Variants in DMD observed in about 807,000 individuals in gnomAD.
DMD encodes the protein dystrophin, also known as mutant dystrophin.
Under a neutral mutation model 330.1 loss-of-function variants are expected in DMD, and 63 were observed. The ratio of observed to expected loss-of-function variants is 0.19; its 90% CI spans 0.16 to 0.24. DMD has a LOEUF of 0.24. Ranked by LOEUF, DMD falls within the 10% of genes least tolerant of loss-of-function variation. The pLI is 1.00. For synonymous variants in DMD, 1,223 were observed against 959.8 expected (o/e 1.27, Z -5.07); for missense variants, 3,344 against 2,684.1 (o/e 1.25, Z -5.43).
chrX:32,400,102 G>A (rs2098075658), intron 30 of DMD, among the ~76,000 whole-genome samples: 1 of 111,562 alleles, frequency 9.0e-6, no homozygotes, highest in Non-Finnish European at 1.9e-5. Context: ...GTTTGTCATA[G>A]ATAGCTCTTA....
At chrX:32,579,195 A>G (rs1383086918) in intron 13 of DMD, among the ~76,000 whole-genome samples, 1 of 112,121 alleles carries the variant, frequency 8.9e-6, no homozygotes, top group African/African-American at 3.2e-5. Flanking sequence ...TGTACCTTAT[A>G]TCTTCACTGT....
intron 55 of DMD, among the ~76,000 whole-genome samples, chrX:31,622,846 TTATATATATATATATATATA>T (rs757102035): frequency 1.3e-5 from 1 of 74,204 alleles, no homozygotes; most frequent in East Asian, 4.8e-4. Flanking sequence ...CAGAAAAATT[TTATATATATATATATATATA>T]TATATATATA....
intron 2 of DMD, among the ~76,000 whole-genome samples, chrX:32,894,707 T>C (rs2085545556): frequency 8.9e-6 from 1 of 112,090 alleles, no homozygotes. Context: ...CACATTCAGG[T>C]GTGTCTGCAG....
At chrX:32,045,460 C>T (rs779810055) in intron 44 of DMD, among the ~76,000 whole-genome samples, 26 of 109,596 alleles carry the variant, frequency 2.4e-4, no homozygotes, top group Non-Finnish European at 4.0e-4. Flanking sequence ...GAGGCCTCCC[C>T]AGAAGCTGAG....
intron 15 of DMD, among the ~76,000 whole-genome samples, chrX:32,571,244 A>T (rs1397707130): frequency 8.9e-6 from 1 of 112,037 alleles, no homozygotes; most frequent in East Asian, 2.8e-4. Flanking sequence ...TACTGAAAGG[A>T]TTCACATTTT....
chrX:31,482,036 A>G (rs1393511046), intron 57 of DMD, among the ~76,000 whole-genome samples: 4 of 111,012 alleles, frequency 3.6e-5, no homozygotes, highest in Non-Finnish European at 7.5e-5. Context: ...CAGCCACTCA[A>G]GTAGGAAAAT....
chrX:31,204,662 G>A lies in DMD; in HGVS notation c.9650-544C>T, dbSNP rs1048266873. On this transcript the variant is annotated intron_variant, in intron 66 of 78. Coordinates refer to ENST00000357033, the MANE Select transcript of DMD (RefSeq NM_004006.3). ...TTTTGAGACGGAGTCTTGCTCTGTC[G>A]CCCAGGCTGCAGTGCAGTGGTGCGA... is the stretch of plus-strand genomic sequence containing the variant. 6.3e-5 allele frequency among the ~76,000 whole-genome samples: 7 copies of A among 111,759 alleles called. No individual in the cohort carries two copies. The South Asian group carries it at 1.1e-3, about 18-fold the overall frequency.
At chrX:33,039,067 G>T (rs753200621) in intron 1 of DMD, among the ~76,000 whole-genome samples, 2 of 111,678 alleles carry the variant, frequency 1.8e-5, no homozygotes, top group South Asian at 3.8e-4. Flanking sequence ...TCATTTCTCC[G>T]AAGACTATTT....
intron 2 of DMD, among the ~76,000 whole-genome samples, chrX:32,877,657 A>C: frequency 8.9e-6 from 1 of 111,904 alleles, no homozygotes; most frequent in Non-Finnish European, 1.9e-5. Context: ...CTGTATCTAC[A>C]TCTCTTTAGA....
intron 11 of DMD, among the ~76,000 whole-genome samples, chrX:32,619,264 C>T (rs2057812183): frequency 9.0e-6 from 1 of 111,139 alleles, no homozygotes; most frequent in African/African-American, 3.3e-5. Context: ...AAGAGCTGAT[C>T]CCACAGAAGT....
In DMD at chrX:31,178,732, G is replaced by A. The variant is rs202219782; in HGVS notation, c.10160C>T (p.Ala3387Val). Residue 3387 changes from alanine (A) to valine (V), a missense_variant, in exon 70 of 79, where the codon GCG becomes GTG. Coordinates refer to ENST00000357033, the MANE Select transcript of DMD (RefSeq NM_004006.3). ...CAGGTAGCCCATTCGGGGATGCTTCGCAAAATACCTTTTGGTTCGAAATTT... is the reference window on the plus strand; with the variant it reads ...CAGGTAGCCCATTCGGGGATGCTTCACAAAATACCTTTTGGTTCGAAATTT... ...KNKFRTKRYF[A>V]KHPRMGYLPV... 25 of 1,209,356 alleles carry A rather than the reference G, an allele frequency of 2.1e-5. No individual in the cohort carries two copies. Among genetic ancestry groups the A allele is most frequent in the South Asian group, 1.9e-4 (11 of 56,804 alleles).
intron 44 of DMD, among the ~76,000 whole-genome samples, chrX:32,065,768 C>T (rs910764192): frequency 2.7e-5 from 3 of 111,566 alleles, no homozygotes; most frequent in African/African-American, 9.7e-5. Context: ...AAATAATATT[C>T]ATATAAAAGT....
intron 15 of DMD, among the ~76,000 whole-genome samples, chrX:32,573,054 C>A (rs1410994785): frequency 9.0e-6 from 1 of 111,585 alleles, no homozygotes; most frequent in Non-Finnish European, 1.9e-5. Flanking sequence ...GTACAGCCTG[C>A]AGAACCATGA....
chrX:32,452,737 T>G (rs2098339541), intron 26 of DMD, among the ~76,000 whole-genome samples: 1 of 110,974 alleles, frequency 9.0e-6, no homozygotes, highest in Non-Finnish European at 1.9e-5. Flanking sequence ...AGTCAAATTT[T>G]AAATTATTTT....
At chrX:33,199,908 G>T (rs1201014450) in intron 1 of DMD, among the ~76,000 whole-genome samples, 1 of 111,450 alleles carries the variant, frequency 9.0e-6, no homozygotes, top group Non-Finnish European at 1.9e-5. Flanking sequence ...TTCATTAATT[G>T]GTTCTAGAGA....
chrX:32,558,825 T>C (rs1033708906), intron 16 of DMD, among the ~76,000 whole-genome samples: 4 of 110,454 alleles, frequency 3.6e-5, no homozygotes, highest in Non-Finnish European at 5.7e-5. Flanking sequence ...ATTTACAAGG[T>C]AAAACCTATT....
At chrX:32,810,633 C>CAAA (rs2077301574) in intron 6 of DMD, among the ~76,000 whole-genome samples, 2 of 112,020 alleles carry the variant, frequency 1.8e-5, no homozygotes, top group South Asian at 7.4e-4. Context: ...TCCTCACTGC[C>CAAA]ATCACTCTAG....
chrX:32,280,164 A>ATAT lies in DMD; in HGVS notation c.6290+7364_6290+7365insATA, dbSNP rs1569555739. 3.2e-4 allele frequency among the ~76,000 whole-genome samples: 4 copies of ATAT among 12,309 alleles called. No homozygotes were observed. The East Asian group carries it at 4.6e-3, about 14-fold the overall frequency. 10.7% of individuals were successfully genotyped at this position (12,309 alleles called of 115,157 possible). Reference sequence around the variant, plus strand: ...ATACAGTATATATATATATATATACAGTATATATATATATATATATATACA... The same window carrying ATAT: ...ATACAGTATATATATATATATATACATATGTATATATATATATATATATATACA... On this transcript the variant is annotated intron_variant, in intron 43 of 78. Coordinates refer to ENST00000357033, the MANE Select transcript of DMD (RefSeq NM_004006.3).
At chrX:32,916,886 G>A (rs891421864) in intron 2 of DMD, among the ~76,000 whole-genome samples, 1 of 111,353 alleles carries the variant, frequency 9.0e-6, no homozygotes, top group Non-Finnish European at 1.9e-5. Flanking sequence ...TAATTATAAT[G>A]ATCCCATCAC....
Sources: allele counts gnomAD v4.1 joint callset (sites outside exome capture counted in the v4.1 genomes callset), GRCh38; gene constraint gnomAD v4.1.1; transcripts MANE v1.5; gene names NCBI Gene and HGNC (gene_info 2026-07-23, HGNC 2026-07-21).